Variants in PRMT3 observed in about 807,000 individuals in gnomAD.
The protein encoded by PRMT3 is protein arginine N-methyltransferase 3.
Under a neutral mutation model 71.9 loss-of-function variants are expected in PRMT3, and 62 were observed. That is an observed-to-expected ratio of 0.86 (90% CI 0.70 to 1.07). The LOEUF (loss-of-function observed/expected upper bound fraction) is 1.07, where lower values mean the gene tolerates loss of function less well. Ranked by LOEUF, PRMT3 falls within the 50% of genes least tolerant of loss-of-function variation. The pLI, the probability that PRMT3 is intolerant of heterozygous loss-of-function variation, is 0.00. For missense variants in PRMT3, 663 were observed against 643.0 expected, an observed-to-expected ratio of 1.03 and a Z score of -0.34; for synonymous variants, 213 against 220.4, an observed-to-expected ratio of 0.97 and a Z score of 0.30.
chr11:20,409,654 A>AACACACACACACACAC (rs60686099), intron 9 of PRMT3, among the ~76,000 whole-genome samples: 111 of 144,318 alleles, frequency 7.7e-4, no homozygotes, highest in African/African-American at 2.3e-3. Flanking sequence ...GGAATACACA[A>AACACACACACACACAC]ACACACACAC....
At chr11:20,416,107 A>T (rs568776883) in intron 9 of PRMT3, among the ~76,000 whole-genome samples, 20 of 152,132 alleles carry the variant, frequency 1.3e-4, no homozygotes, top group African/African-American at 3.9e-4. Context: ...TAGATCTCTC[A>T]CCTGAATTAA....
chr11:20,473,789 C>T (rs1850709993), intron 13 of PRMT3, among the ~76,000 whole-genome samples: 1 of 151,902 alleles, frequency 6.6e-6, no homozygotes, highest in African/African-American at 2.4e-5. Flanking sequence ...AGTTCTGTGC[C>T]CTTGCTGGAG....
intron 7 of PRMT3, among the ~76,000 whole-genome samples, chr11:20,398,757 C>T (rs1042920670): frequency 6.6e-6 from 1 of 152,194 alleles, no homozygotes; most frequent in Non-Finnish European, 1.5e-5. Context: ...CAGTGACATG[C>T]TGTACAGGTT....
At chr11:20,405,812 C>T (rs1849057416) in intron 8 of PRMT3, 1 of 152,116 alleles carries the variant, frequency 6.6e-6, no homozygotes, top group African/African-American at 2.4e-5. Context: ...GGTAAATAAA[C>T]ATGATACAAA....
At chr11:20,504,591 A>G (rs753102652) in intron 15 of PRMT3, among the ~76,000 whole-genome samples, 5 of 152,154 alleles carry the variant, frequency 3.3e-5, no homozygotes, top group Non-Finnish European at 5.9e-5. Flanking sequence ...TTCACTCACG[A>G]GAGAGTGGGT....
chr11:20,398,521 C>T (rs1489988326), intron 7 of PRMT3, among the ~76,000 whole-genome samples: 2 of 152,058 alleles, frequency 1.3e-5, no homozygotes, highest in African/African-American at 2.4e-5. Context: ...GGTGCGATCT[C>T]GGCTCACTGC....
At chr11:20,409,118 G>A (rs982980114) in intron 9 of PRMT3, among the ~76,000 whole-genome samples, 1 of 151,964 alleles carries the variant, frequency 6.6e-6, no homozygotes, top group Non-Finnish European at 1.5e-5. Context: ...TTTTAAATTT[G>A]ATTAATGTTG....
chr11:20,431,225 T>G (rs1221159608), intron 10 of PRMT3, among the ~76,000 whole-genome samples: 3 of 152,160 alleles, frequency 2.0e-5, no homozygotes, highest in Non-Finnish European at 4.4e-5. Flanking sequence ...GTACAATACA[T>G]GAAGGCATGG....
At chr11:20,434,208 A>G (rs1849716124) in intron 10 of PRMT3, among the ~76,000 whole-genome samples, 1 of 151,944 alleles carries the variant, frequency 6.6e-6, no homozygotes, top group African/African-American at 2.4e-5. Context: ...TCCTTTGCCC[A>G]CCTTTTAATG....
At chr11:20,431,850 C>T (rs1400712935) in intron 10 of PRMT3, among the ~76,000 whole-genome samples, 1 of 151,954 alleles carries the variant, frequency 6.6e-6, no homozygotes, top group Non-Finnish European at 1.5e-5. Flanking sequence ...GCTGACAATG[C>T]CTAATAATTT....
chr11:20,445,693 G>C (rs1245426401), intron 10 of PRMT3, among the ~76,000 whole-genome samples: 1 of 151,962 alleles, frequency 6.6e-6, no homozygotes, highest in Admixed American at 6.6e-5. Context: ...GTACCCCAGA[G>C]GTAACCACTC....
intron 10 of PRMT3, among the ~76,000 whole-genome samples, chr11:20,451,020 G>C (rs757610062): frequency 1.2e-4 from 18 of 152,156 alleles, no homozygotes; most frequent in Admixed American, 1.1e-3. Flanking sequence ...AGGGCTGTTG[G>C]GGGGTTGGAC....
At chr11:20,443,536 T>A (rs544724572) in intron 10 of PRMT3, among the ~76,000 whole-genome samples, 2 of 152,300 alleles carry the variant, frequency 1.3e-5, no homozygotes, top group East Asian at 3.9e-4. Flanking sequence ...TTGTTCTTTG[T>A]CCCTGATAAT....
At chr11:20,417,600 A>T (rs1849335527) in intron 9 of PRMT3, among the ~76,000 whole-genome samples, 1 of 152,206 alleles carries the variant, frequency 6.6e-6, no homozygotes, top group Non-Finnish European at 1.5e-5. Flanking sequence ...TATATTTTTT[A>T]TTCCAAAGAT....
chr11:20,413,743 T>TC (rs1298849375), intron 9 of PRMT3, among the ~76,000 whole-genome samples: 2 of 152,194 alleles, frequency 1.3e-5, no homozygotes, highest in African/African-American at 4.8e-5. Flanking sequence ...CCATAAAACT[T>TC]CAAGCTTTAG....
At chr11:20,461,418 A>G (rs976964810) in intron 11 of PRMT3, among the ~76,000 whole-genome samples, 1 of 152,348 alleles carries the variant, frequency 6.6e-6, no homozygotes, top group South Asian at 2.1e-4. Flanking sequence ...AATAGTCTAA[A>G]TATAAGTTTA....
intron 9 of PRMT3, among the ~76,000 whole-genome samples, chr11:20,415,036 G>GTATGTGTGTGTGTGTGTGTA (rs71063633): frequency 6.6e-6 from 1 of 150,938 alleles, no homozygotes; most frequent in Admixed American, 6.6e-5. Context: ...GTGTGTGTGT[G>GTATGTGTGTGTGTGTGTGTA]TGTGTGTGTG....
At chr11:20,398,160 G>A (rs1410217619) in intron 7 of PRMT3, among the ~76,000 whole-genome samples, 1 of 151,750 alleles carries the variant, frequency 6.6e-6, no homozygotes, top group African/African-American at 2.4e-5. Flanking sequence ...TATTAAATAG[G>A]AACAATTAGA....
chr11:20,391,373 G>A (rs1359756093), intron 3 of PRMT3, among the ~76,000 whole-genome samples: 2 of 151,946 alleles, frequency 1.3e-5, no homozygotes, highest in East Asian at 3.9e-4. Context: ...AGCCTCCCAA[G>A]TAGCTGGGAT....
Sources: gnomAD v4.1 joint callset for allele counts (sites outside exome capture counted in the v4.1 genomes callset) on GRCh38, gnomAD v4.1.1 for gene constraint, MANE v1.5 for transcripts, NCBI Gene and HGNC (gene_info 2026-07-23, HGNC 2026-07-21) for gene names.